CYP4X1: variants seen among roughly 807,000 people sequenced by gnomAD.
CYP4X1 encodes the protein cytochrome P450 4X1.
A neutral mutation model predicts 57.9 loss-of-function variants in CYP4X1; 44 were observed. That is an observed-to-expected ratio of 0.76 (90% confidence interval 0.60 to 0.98). The LOEUF is 0.98. Among genes scored for constraint, CYP4X1 ranks in the 50% least tolerant of loss-of-function variants. The probability of loss-of-function intolerance (pLI) is 0.00; values close to 1 mark genes in which losing one functional copy is unlikely to be tolerated. For missense variants in CYP4X1, 532 were observed against 623.9 expected (o/e 0.85, Z 1.57); for synonymous variants, 227 against 228.6 (o/e 0.99, Z 0.06).
At chr1:47,017,804 GT>G in the CYP4X1 span, among the ~76,000 whole-genome samples, 2 of 152,036 alleles carry the variant, frequency 1.3e-5, no homozygotes, top group African/African-American at 4.8e-5. Flanking sequence ...GTGAACCAAT[GT>G]TCATTTTTAG....
At chr1:47,029,112 G>A (rs17102972) in intron 1 of CYP4X1, among the ~76,000 whole-genome samples, 14,393 of 152,220 alleles carry the variant, frequency 0.095, 731 homozygotes, top group East Asian at 0.22. Context: ...AGCAGATACC[G>A]TGTGATTGGT....
At chr1:47,022,500 A>G (rs1345123873), upstream of CYP4X1, among the ~76,000 whole-genome samples, 1 of 151,888 alleles carries the variant, frequency 6.6e-6, no homozygotes, top group East Asian at 1.9e-4. Context: ...CATCTTGGCC[A>G]GGATGGTCTT....
upstream of CYP4X1, among the ~76,000 whole-genome samples, chr1:47,022,241 G>C (rs1297220674): frequency 6.6e-6 from 1 of 151,188 alleles, no homozygotes; most frequent in Non-Finnish European, 1.5e-5. Context: ...AAGGGGCCAG[G>C]ACGAACTTGG....
chr1:46,964,039 C>T, the CYP4X1 span, among the ~76,000 whole-genome samples: 1 of 152,230 alleles, frequency 6.6e-6, no homozygotes, highest in Non-Finnish European at 1.5e-5. Flanking sequence ...ATTGAATCGG[C>T]TACTGAGGCT....
the CYP4X1 span, among the ~76,000 whole-genome samples, chr1:47,015,320 A>G: frequency 0.96 from 146,273 of 152,300 alleles, 70,531 homozygotes; most frequent in Non-Finnish European, 1. Flanking sequence ...GGCCTTTTGC[A>G]TGGAACTTAC....
downstream of CYP4X1, among the ~76,000 whole-genome samples, chr1:47,052,836 T>C (rs553247284): frequency 6.6e-6 from 1 of 152,310 alleles, no homozygotes; most frequent in South Asian, 2.1e-4. Context: ...TGTTGGCCAT[T>C]TATGTTTATC....
At chr1:47,005,730 C>A in the CYP4X1 span, among the ~76,000 whole-genome samples, 2 of 152,112 alleles carry the variant, frequency 1.3e-5, no homozygotes, top group Non-Finnish European at 2.9e-5. Flanking sequence ...ATCGGTGGAA[C>A]AAAACCAGAA....
the CYP4X1 span, among the ~76,000 whole-genome samples, chr1:46,986,300 T>C: frequency 6.6e-6 from 1 of 152,114 alleles, no homozygotes; most frequent in African/African-American, 2.4e-5. Context: ...TAAAAATCTC[T>C]TAATGAAATA....
chr1:47,004,799 G>A, the CYP4X1 span, among the ~76,000 whole-genome samples: 1 of 152,146 alleles, frequency 6.6e-6, no homozygotes, highest in Non-Finnish European at 1.5e-5. Flanking sequence ...ATCCCTACAT[G>A]TGGTGCAGCT....
the CYP4X1 span, among the ~76,000 whole-genome samples, chr1:46,967,327 C>T: frequency 5.9e-5 from 9 of 152,152 alleles, no homozygotes. Flanking sequence ...TGTTTTAAGG[C>T]ACTGACGTTG....
At chr1:47,008,580 C>A in the CYP4X1 span, among the ~76,000 whole-genome samples, 1 of 152,064 alleles carries the variant, frequency 6.6e-6, no homozygotes, top group Admixed American at 6.6e-5. Context: ...ACAATATTAA[C>A]CTTAAATGTA....
intron 8 of CYP4X1, among the ~76,000 whole-genome samples, chr1:47,042,196 G>C (rs1289856245): frequency 6.6e-6 from 1 of 151,524 alleles, no homozygotes; most frequent in Non-Finnish European, 1.5e-5. Flanking sequence ...GTCAATTTCA[G>C]ATCAGGTAGT....
At chr1:47,053,510 T>A (rs1478876206), downstream of CYP4X1, among the ~76,000 whole-genome samples, 1 of 152,140 alleles carries the variant, frequency 6.6e-6, no homozygotes, top group African/African-American at 2.4e-5. Context: ...TCCACAATGG[T>A]TGAACTAGTT....
the CYP4X1 span, chr1:47,001,032 C>A: frequency 1.7e-5 from 4 of 231,118 alleles, no homozygotes; most frequent in South Asian, 3.3e-4. Context: ...TGAGTAGGGT[C>A]AGGGCCACCT....
the CYP4X1 span, among the ~76,000 whole-genome samples, chr1:46,981,617 C>T: frequency 4.6e-5 from 7 of 152,148 alleles, no homozygotes; most frequent in Admixed American, 2.0e-4. Flanking sequence ...TTTGACCCAG[C>T]CATCTCATTA....
Position 47,035,728 on chromosome 1 carries a change from G to A in CYP4X1, c.493-78G>A, listed in dbSNP as rs1459198760. 24 of 1,535,236 alleles carry A rather than the reference G, an allele frequency of 1.6e-5. No individual in the cohort carries two copies. In the African/African-American group the frequency reaches 1.7e-4, roughly 11 times the overall value. On this transcript the variant is annotated intron_variant, in intron 4 of 11. Transcript: ENST00000371901. ...TGTCTCCATTAGATCATAAAAACAG[G>A]GCCAGGCAGGAGCCTTCAAATGAAG...
At chr1:46,999,547 T>C in the CYP4X1 span, among the ~76,000 whole-genome samples, 1 of 152,160 alleles carries the variant, frequency 6.6e-6, no homozygotes, top group Non-Finnish European at 1.5e-5. Context: ...CTTTGTATGA[T>C]TTTTTGGTCT....
chr1:46,961,530 G>A, the CYP4X1 span: 1 of 1,200,894 alleles, frequency 8.3e-7, no homozygotes. Flanking sequence ...GTAGCCACAG[G>A]GGTGAGGTGT....
chr1:46,981,756 G>A, the CYP4X1 span, among the ~76,000 whole-genome samples: 1 of 152,182 alleles, frequency 6.6e-6, no homozygotes, highest in Admixed American at 6.5e-5. Flanking sequence ...TGATAGACTG[G>A]ATTAAGAAAA....
Sources: allele counts gnomAD v4.1 joint callset (sites outside exome capture counted in the v4.1 genomes callset), GRCh38; gene constraint gnomAD v4.1.1; transcripts MANE v1.5; gene names NCBI Gene and HGNC (gene_info 2026-07-23, HGNC 2026-07-21).